Variants in METTL24 observed in about 807,000 individuals in gnomAD.
METTL24 encodes the protein probable methyltransferase-like protein 24.
A neutral mutation model predicts 32.7 loss-of-function variants in METTL24; 29 were observed. The observed-to-expected ratio is 0.89, with a 90% CI of 0.66 to 1.21. The LOEUF (loss-of-function observed/expected upper bound fraction) is 1.21. METTL24 is among the 50% of genes most tolerant of loss of function. METTL24 has a pLI of 0.00. For missense variants in METTL24, 439 were observed against 468.1 expected (o/e 0.94, Z 0.57); for synonymous variants, 163 against 179.5 (o/e 0.91, Z 0.73).
intron 4 of METTL24, among the ~76,000 whole-genome samples, chr6:110,265,255 A>G (rs1277605080): frequency 6.6e-6 from 1 of 152,218 alleles, no homozygotes; most frequent in Admixed American, 6.5e-5. Context: ...CCAGAAAAGC[A>G]CAACTGGTGT....
intron 4 of METTL24, among the ~76,000 whole-genome samples, chr6:110,261,340 G>C (rs564134462): frequency 2.6e-5 from 4 of 151,978 alleles, no homozygotes; most frequent in Admixed American, 6.6e-5. Flanking sequence ...AAACAGACTT[G>C]AAACCAACAA....
In METTL24 at chr6:110,315,341, C is replaced by A. The variant is rs765347526; in HGVS notation, c.557+1G>T. ...CTTCTGCTGTAAAAAAATGTACTCA[C>A]CCTAAGGAGTAGAGGCGGCACTGCT... On this transcript the variant is annotated splice_donor_variant, in intron 3 of 4. Transcript: ENST00000338882. LOFTEE classifies it high-confidence loss of function. The A allele has an allele frequency of 1.9e-6, 3 of 1,613,990 alleles. No homozygotes were observed. Among genetic ancestry groups the A allele is most frequent in the Non-Finnish European group, 1.7e-6 (2 of 1,180,036 alleles).
intron 1 of METTL24, among the ~76,000 whole-genome samples, chr6:110,323,279 T>C (rs556019979): frequency 1.3e-5 from 2 of 152,338 alleles, no homozygotes; most frequent in African/African-American, 2.4e-5. Flanking sequence ...TTCAAGAATA[T>C]GTGCCTCTCT....
chr6:110,291,928 T>C (rs545295242), intron 4 of METTL24, among the ~76,000 whole-genome samples: 3 of 152,370 alleles, frequency 2.0e-5, no homozygotes, highest in African/African-American at 7.2e-5. Context: ...ATCCCTTACA[T>C]TGTCTTGAAA....
chr6:110,288,881 G>A (rs944535861), intron 4 of METTL24, among the ~76,000 whole-genome samples: 5 of 152,316 alleles, frequency 3.3e-5, no homozygotes, highest in East Asian at 3.9e-4. Context: ...AGCCAGGGGC[G>A]GGAGTGGAAC....
chr6:110,355,169 C>G (rs1392684181), intron 1 of METTL24, among the ~76,000 whole-genome samples: 1 of 152,160 alleles, frequency 6.6e-6, no homozygotes, highest in Non-Finnish European at 1.5e-5. Flanking sequence ...AAATCAGACT[C>G]TTTCTGTTGT....
chr6:110,304,075 CCTGA>C (rs1254321346), intron 3 of METTL24, among the ~76,000 whole-genome samples: 11 of 152,072 alleles, frequency 7.2e-5, no homozygotes, highest in Admixed American at 6.5e-5. Flanking sequence ...AGAAGAGGGG[CCTGA>C]CTGTTAGAAA....
intron 1 of METTL24, among the ~76,000 whole-genome samples, chr6:110,325,069 G>C (rs1771994770): frequency 6.6e-6 from 1 of 152,176 alleles, no homozygotes; most frequent in Non-Finnish European, 1.5e-5. Flanking sequence ...CACATTGACA[G>C]AGTGAGTGCT....
chr6:110,319,137 A>C (rs1771882023), intron 2 of METTL24, among the ~76,000 whole-genome samples: 2 of 152,330 alleles, frequency 1.3e-5, no homozygotes, highest in South Asian at 4.1e-4. Flanking sequence ...AAATTTTGGA[A>C]CTTAAGAATC....
chr6:110,258,721 GTAAT>G (rs1391423214), intron 4 of METTL24, among the ~76,000 whole-genome samples: 1 of 151,176 alleles, frequency 6.6e-6, no homozygotes, highest in African/African-American at 2.4e-5. Context: ...AGATCACAAA[GTAAT>G]TAATTAGTGA....
chr6:110,265,189 G>C (rs183918062), intron 4 of METTL24, among the ~76,000 whole-genome samples: 1 of 114,876 alleles, frequency 8.7e-6, no homozygotes, highest in Non-Finnish European at 1.8e-5. Context: ...AAGAAAGAAA[G>C]AAAGAAAGAA....
chr6:110,301,259 C>T (rs9487358), intron 3 of METTL24, among the ~76,000 whole-genome samples: 35,718 of 152,128 alleles, frequency 0.23, 6,822 homozygotes, highest in African/African-American at 0.53. Context: ...CTACCACCTA[C>T]TGAATCCACA....
At chr6:110,260,309 G>A (rs769018474) in intron 4 of METTL24, among the ~76,000 whole-genome samples, 1 of 152,192 alleles carries the variant, frequency 6.6e-6, no homozygotes, top group Non-Finnish European at 1.5e-5. Flanking sequence ...CGAGAACTAC[G>A]TGATGAATGC....
chr6:110,340,745 C>T (rs1582439024), intron 1 of METTL24, among the ~76,000 whole-genome samples: 3 of 152,252 alleles, frequency 2.0e-5, no homozygotes, highest in South Asian at 2.1e-4. Context: ...AAGTATTCAC[C>T]GTCCTGGTTA....
intron 1 of METTL24, among the ~76,000 whole-genome samples, chr6:110,349,528 C>T (rs907830608): frequency 6.6e-6 from 1 of 152,140 alleles, no homozygotes. Context: ...ATAAACTGGC[C>T]CCTCCCACCC....
intron 4 of METTL24, among the ~76,000 whole-genome samples, chr6:110,295,893 G>T (rs1771409004): frequency 6.6e-6 from 1 of 151,960 alleles, no homozygotes; most frequent in African/African-American, 2.4e-5. Context: ...TGAGTTTACT[G>T]AAAACAATTG....
In METTL24 at chr6:110,314,991, T is replaced by G. The variant is rs560381695; in HGVS notation, c.557+351A>C. ...GAGAAAGAAAACTAAGTTTTTTGTG[T>G]TTTTTTTTTTTGCTGCACGCAGTAA... On this transcript the variant is annotated intron_variant, in intron 3 of 4. Coordinates refer to ENST00000338882, the MANE Select transcript of METTL24 (RefSeq NM_001123364.3). Among the ~76,000 whole-genome samples the G allele has an allele frequency of 2.9e-3, 393 of 137,584 alleles. 2 individuals carry two copies. Among genetic ancestry groups the G allele is most frequent in the Admixed American group, 6.4e-3 (89 of 13,832 alleles). The allele number at this position is 137,584 out of a possible 152,430, so 90.3% of individuals were successfully genotyped here.
intron 1 of METTL24, among the ~76,000 whole-genome samples, chr6:110,340,335 G>A (rs1054909951): frequency 3.9e-5 from 6 of 152,252 alleles, no homozygotes; most frequent in South Asian, 2.1e-4. Flanking sequence ...AAGTGATTCC[G>A]GGAGAGAGAA....
intron 4 of METTL24, among the ~76,000 whole-genome samples, chr6:110,275,484 T>C (rs1771031806): frequency 6.6e-6 from 1 of 152,152 alleles, no homozygotes; most frequent in Non-Finnish European, 1.5e-5. Context: ...CCATCTGAAA[T>C]ATCACTTCCT....
Sources: allele counts gnomAD v4.1 joint callset (sites outside exome capture counted in the v4.1 genomes callset), GRCh38; gene constraint gnomAD v4.1.1; transcripts MANE v1.5; gene names NCBI Gene and HGNC (gene_info 2026-07-23, HGNC 2026-07-21).